Variants in IPO7 observed in about 807,000 individuals in gnomAD.
The protein encoded by IPO7 is importin 7, also known as importin-7.
A neutral mutation model predicts 136.4 loss-of-function variants in IPO7; 13 were observed. The ratio of observed to expected loss-of-function variants is 0.10; its 90% CI spans 0.06 to 0.15. The LOEUF (loss-of-function observed/expected upper bound fraction) is 0.15, where lower values mean the gene tolerates loss of function less well. Among genes scored for constraint, IPO7 ranks in the 10% least tolerant of loss-of-function variants. IPO7 has a pLI of 1.00. For missense variants in IPO7, 857 were observed against 1,240.6 expected, an observed-to-expected ratio of 0.69 and a Z score of 4.65; for synonymous variants, 403 against 404.4, an observed-to-expected ratio of 1.00 and a Z score of 0.04.
rs71062847 is a variant in IPO7, at chr11:9,406,104, C to CTTTTTTTT, written c.167-2361_167-2354dup. 6.5e-5 allele frequency among the ~76,000 whole-genome samples: 4 copies of CTTTTTTTT among 61,840 alleles called. 1 individual carries two copies. Among genetic ancestry groups the CTTTTTTTT allele is most frequent in the Middle Eastern group, 0.053 (2 of 38 alleles). The allele number at this position is 61,840 out of a possible 152,430, so 40.6% of individuals were successfully genotyped here. A position where few individuals can be genotyped will look rare whatever the true frequency, so the allele number is the denominator to read the frequency against. ...ATCTCACTATGTTGCTGAGGCTGGT[C>CTTTTTTTT]TTTTTTTTTTTTTTTTTTTTTTTTT... On this transcript the variant is annotated intron_variant, in intron 2 of 24. Coordinates refer to ENST00000379719, the MANE Select transcript of IPO7 (RefSeq NM_006391.3).
At chr11:9,436,139 G>C (rs1428188637) in intron 19 of IPO7, 132 bp from the exon 20 acceptor site, 5 of 622,510 alleles carry the variant, frequency 8.0e-6, no homozygotes, top group African/African-American at 5.6e-5. Flanking sequence ...GAACATTGCA[G>C]TTATTCATAT....
At chr11:9,419,379 C>G (rs1263002779) in intron 6 of IPO7, among the ~76,000 whole-genome samples, 1 of 151,236 alleles carries the variant, frequency 6.6e-6, no homozygotes. Flanking sequence ...GAAACCCTGT[C>G]TCTACTAAAA....
At chr11:9,395,655 T>C (rs900520669) in intron 1 of IPO7, among the ~76,000 whole-genome samples, 4 of 151,962 alleles carry the variant, frequency 2.6e-5, no homozygotes, top group Non-Finnish European at 5.9e-5. Flanking sequence ...GCCTGTGCTA[T>C]ATCCCCGCTA....
chr11:9,399,813 A>G (rs1048417207), intron 1 of IPO7, among the ~76,000 whole-genome samples: 10 of 152,224 alleles, frequency 6.6e-5, no homozygotes, highest in South Asian at 2.1e-4. Flanking sequence ...TAAAGTGACA[A>G]TGGTTGGCAA....
chr11:9,434,872 C>A, intron 18 of IPO7, 62 bp from the exon 19 acceptor site: 1 of 1,173,196 alleles, frequency 8.5e-7, no homozygotes, highest in South Asian at 1.3e-5. Flanking sequence ...GGAAATTTTT[C>A]AAAAGCAAAG....
At chr11:9,399,150 A>T (rs1023045641) in intron 1 of IPO7, among the ~76,000 whole-genome samples, 1 of 151,592 alleles carries the variant, frequency 6.6e-6, no homozygotes, top group African/African-American at 2.4e-5. Context: ...GTTCATGGGA[A>T]TGGAGAAAAT....
chr11:9,417,149 GT>G lies in IPO7; in HGVS notation c.726+2del. On this transcript the variant is annotated splice_donor_variant, in intron 6 of 24. Coordinates refer to ENST00000379719, the MANE Select transcript of IPO7 (RefSeq NM_006391.3). LOFTEE classifies it high-confidence loss of function. ...TGTTGTGAACAGGGATGTACCTAAT[GT>G]AAGTTTCTGTATGTTCTCTTATATT... The G allele has an allele frequency of 7.9e-7, 1 of 1,264,990 alleles. No homozygotes were observed. Among genetic ancestry groups the G allele is most frequent in the Non-Finnish European group, 1.1e-6 (1 of 877,334 alleles). 78.4% of individuals were successfully genotyped at this position (1,264,990 alleles called of 1,614,324 possible). A position where few individuals can be genotyped will look rare whatever the true frequency, so the allele number is the denominator to read the frequency against.
chr11:9,389,829 G>A (rs1256211314), intron 1 of IPO7, among the ~76,000 whole-genome samples: 10 of 151,108 alleles, frequency 6.6e-5, no homozygotes, highest in Admixed American at 4.0e-4. Context: ...GGTGCCATCC[G>A]GCTCACTGCA....
rs2133771897 is a variant in IPO7, at chr11:9,446,582, C to T, written c.*1388C>T. On this transcript the variant is annotated 3_prime_UTR_variant, in exon 25 of 25. Transcript: ENST00000379719. Reference sequence around the variant, plus strand: ...TTAAACATCGGTCAGATGAGTCATACATTGGGTTATTTTTTATATACATGT... The same window carrying T: ...TTAAACATCGGTCAGATGAGTCATATATTGGGTTATTTTTTATATACATGT... 6.6e-6 allele frequency: 1 copy of T among 152,254 alleles called. No individual in the cohort carries two copies. Among genetic ancestry groups the T allele is most frequent in the South Asian group, 2.1e-4 (1 of 4,826 alleles). The allele number at this position is 152,254 out of a possible 1,614,324, so 9.4% of individuals were successfully genotyped here.
At position 9,437,932 on chromosome 11, in the gene IPO7, A is replaced by G; in HGVS notation, c.2447A>G (p.His816Arg). 2 of 1,612,822 alleles carry G rather than the reference A, an allele frequency of 1.2e-6. No homozygotes were observed. The highest frequency in any genetic ancestry group is 1.7e-6 in the Non-Finnish European group (2 of 1,179,776). ...FPNNVEPVTN[H>R]FITQWLNDVD... Reference sequence around the variant, plus strand: ...AATAATGTTGAACCAGTTACAAATCATTTTATTACACAGTGGCTTAATGAT... The same window carrying G: ...AATAATGTTGAACCAGTTACAAATCGTTTTATTACACAGTGGCTTAATGAT... Residue 816 changes from histidine (H) to arginine (R), a missense_variant, in exon 21 of 25, where the codon CAT becomes CGT. Around this residue, in one of 11 missense-constraint regions of IPO7, gnomAD observed 190 missense variants for 249.0 expected, o/e 0.76. Transcript: ENST00000379719.
chr11:9,428,429 G>A (rs554451809), intron 12 of IPO7, 111 bp from the exon 13 acceptor site: 7 of 502,230 alleles, frequency 1.4e-5, no homozygotes, highest in African/African-American at 9.6e-5. Context: ...CAAAGAATGA[G>A]AATAAATATA....
At chr11:9,432,270 T>C (rs1189203633) in intron 16 of IPO7, among the ~76,000 whole-genome samples, 11 of 151,874 alleles carry the variant, frequency 7.2e-5, no homozygotes, top group Non-Finnish European at 1.6e-4. Context: ...GGCGCCATCT[T>C]GGCTCACCGC....
intron 16 of IPO7, among the ~76,000 whole-genome samples, chr11:9,431,256 C>T (rs1031106714): frequency 6.6e-6 from 1 of 151,952 alleles, no homozygotes; most frequent in Non-Finnish European, 1.5e-5. Flanking sequence ...TGGTGGTTCC[C>T]AGAAAAACAA....
intron 6 of IPO7, among the ~76,000 whole-genome samples, chr11:9,419,954 A>T (rs1418836793): frequency 6.6e-6 from 1 of 152,198 alleles, no homozygotes; most frequent in Non-Finnish European, 1.5e-5. Context: ...TTTATAACCA[A>T]CTAGTGAAGC....
In IPO7 at chr11:9,423,767, T is replaced by C; in HGVS notation, c.1042-10T>C. The C allele has an allele frequency of 6.5e-7, 1 of 1,529,232 alleles. No homozygotes were observed. The highest frequency in any genetic ancestry group is 8.9e-7 in the Non-Finnish European group (1 of 1,124,836). 94.7% of individuals were successfully genotyped at this position (1,529,232 alleles called of 1,614,324 possible). ...TGATGGTTATTGTTTTCTTAACTTT[T>C]AAATTGCAGGGCATTATCCAAGATG... is the stretch of plus-strand genomic sequence containing the variant. On this transcript the variant is annotated splice_polypyrimidine_tract_variant and intron_variant, in intron 9 of 24. Coordinates refer to ENST00000379719, the MANE Select transcript of IPO7 (RefSeq NM_006391.3).
chr11:9,433,475 C>A, intron 16 of IPO7, 95 bp from the exon 17 acceptor site: 4 of 769,566 alleles, frequency 5.2e-6, no homozygotes, highest in Non-Finnish European at 8.6e-6. Flanking sequence ...ACAATATTGA[C>A]TTTATATTTA....
At chr11:9,425,803 C>T (rs1210246107) in intron 12 of IPO7, among the ~76,000 whole-genome samples, 2 of 150,920 alleles carry the variant, frequency 1.3e-5, no homozygotes, top group South Asian at 2.1e-4. Context: ...GGCTTGAACC[C>T]GGGACGTGGA....
At chr11:9,401,764 G>A (rs918238438) in intron 1 of IPO7, among the ~76,000 whole-genome samples, 1 of 152,090 alleles carries the variant, frequency 6.6e-6, no homozygotes, top group Non-Finnish European at 1.5e-5. Flanking sequence ...TATGTTCAAA[G>A]CTATTGATTT....
chr11:9,431,021 T>C lies in IPO7; in HGVS notation c.1881+18T>C, dbSNP rs1461460198. The C allele has an allele frequency of 6.2e-7, 1 of 1,606,252 alleles. No individual in the cohort carries two copies. On this transcript the variant is annotated intron_variant, in intron 16 of 24. Coordinates refer to ENST00000379719, the MANE Select transcript of IPO7 (RefSeq NM_006391.3). ...ATAAAGAGGTAAGAAGATGATCTAG[T>C]GTTGCAGTTTTTCAAGCCATTTTAT...
Sources: allele counts gnomAD v4.1 joint callset (sites outside exome capture counted in the v4.1 genomes callset), GRCh38; gene constraint gnomAD v4.1.1; regional missense constraint gnomAD v4.1.1; transcripts MANE v1.5; gene names NCBI Gene and HGNC (gene_info 2026-07-23, HGNC 2026-07-21).